TTC7B: variants seen among roughly 807,000 people sequenced by gnomAD.
TTC7B encodes tetratricopeptide repeat domain 7B.
TTC7B carries 28 observed loss-of-function variants against 106.8 expected under a neutral mutation model. The ratio of observed to expected loss-of-function variants is 0.26; its 90% CI spans 0.19 to 0.36. The LOEUF is 0.36. Ranked by LOEUF, TTC7B falls within the 10% of genes least tolerant of loss-of-function variation. TTC7B has a pLI of 1.00. For synonymous variants in TTC7B, 405 were observed against 430.6 expected, an observed-to-expected ratio of 0.94 and a Z score of 0.74; for missense variants, 862 against 1,076.4, an observed-to-expected ratio of 0.80 and a Z score of 2.79.
At chr14:90,771,973 A>G (rs1890880965) in intron 3 of TTC7B, among the ~76,000 whole-genome samples, 1 of 146,482 alleles carries the variant, frequency 6.8e-6, no homozygotes, top group Non-Finnish European at 1.5e-5. Flanking sequence ...AATTATATAT[A>G]TAATTTATGT....
chr14:90,709,246 T>C lies in TTC7B; in HGVS notation c.699-13668A>G, dbSNP rs570973168. Among the ~76,000 whole-genome samples the C allele has an allele frequency of 6.0e-5, 9 of 150,740 alleles. No homozygotes were observed. In the South Asian group the frequency reaches 1.9e-3, roughly 31 times the overall value. ...AAAGACACATGCACACGTATGTTTA[T>C]TGCGGCACTATTCACAATAGCAAAG... On this transcript the variant is annotated intron_variant, in intron 5 of 19. Transcript: ENST00000328459.
chr14:90,573,639 C>T (rs565000107), intron 19 of TTC7B, among the ~76,000 whole-genome samples: 1 of 150,992 alleles, frequency 6.6e-6, no homozygotes, highest in Non-Finnish European at 1.5e-5. Flanking sequence ...TGGTCCCTTT[C>T]GGGCTCATGG....
intron 4 of TTC7B, 137 bp from the exon 5 acceptor site, chr14:90,730,333 G>C (rs918768466): frequency 8.9e-6 from 9 of 1,011,880 alleles, no homozygotes; most frequent in Non-Finnish European, 1.2e-5. Flanking sequence ...CACAGGTGTA[G>C]AAGTGCAAGC....
At position 90,658,386 on chromosome 14, in the gene TTC7B, C is replaced by A. The variant is rs770813738; in HGVS notation, c.1154G>T (p.Cys385Phe). 6.2e-7 allele frequency: 1 copy of A among 1,614,014 alleles called. No individual in the cohort carries two copies. The highest frequency in any genetic ancestry group is 8.5e-7 in the Non-Finnish European group (1 of 1,179,996). ...GGCAAACTTCATGGCTCTTTCTAGG[C>A]ACTGGTTGGGAAAGAAAAACAAATG... is the stretch of plus-strand genomic sequence containing the variant. Reference protein sequence around the residue: ...RRGQYEMLSECLERAMKFAFE... With the variant: ...RRGQYEMLSEFLERAMKFAFE... Residue 385 changes from cysteine to phenylalanine, a missense_variant and splice_region_variant, in exon 10 of 20, where the codon TGC becomes TTC. Cys to Phe is a radical substitution (Grantham distance 205, BLOSUM62 -2). Coordinates refer to ENST00000328459, the MANE Select transcript of TTC7B (RefSeq NM_001010854.2).
At chr14:90,700,719 C>T (rs75327821) in intron 5 of TTC7B, among the ~76,000 whole-genome samples, 5,813 of 88,770 alleles carry the variant, frequency 0.065, 136 homozygotes, top group Non-Finnish European at 0.093. Context: ...TAAGTGTTGA[C>T]AAAGACAATG....
intron 3 of TTC7B, among the ~76,000 whole-genome samples, chr14:90,765,550 C>A (rs1354627901): frequency 6.6e-6 from 1 of 152,204 alleles, no homozygotes; most frequent in African/African-American, 2.4e-5. Flanking sequence ...CACCAGGAAT[C>A]TATCTTCCCA....
At chr14:90,771,802 G>A (rs1555397977) in intron 3 of TTC7B, among the ~76,000 whole-genome samples, 2 of 150,892 alleles carry the variant, frequency 1.3e-5, no homozygotes, top group Non-Finnish European at 2.9e-5. Flanking sequence ...GTGCACGTGT[G>A]TGTGTGTAAC....
intron 19 of TTC7B, among the ~76,000 whole-genome samples, chr14:90,558,066 G>A (rs867904955): frequency 6.6e-6 from 1 of 152,248 alleles, no homozygotes; most frequent in African/African-American, 2.4e-5. Flanking sequence ...GTCGGCACTC[G>A]ATAGATGAGT....
At chr14:90,771,903 A>G (rs1009703105) in intron 3 of TTC7B, among the ~76,000 whole-genome samples, 1 of 146,602 alleles carries the variant, frequency 6.8e-6, no homozygotes, top group African/African-American at 2.5e-5. Flanking sequence ...ATATATGTAT[A>G]TATTTCTTTA....
In TTC7B at chr14:90,541,475, G is replaced by C. The variant is rs1165267536; in HGVS notation, c.2425C>G (p.Gln809Glu). ...EVWNGLGEVL[Q>E]AQGNDAAATE... The stretch of plus-strand genomic sequence containing the variant: ...GCCGCCGCATCGTTGCCCTGAGCTT[G>C]GAGGACCTCGCCCAGCCCGTTCCAG... The change falls in exon 20 of 20, where the codon CAA becomes GAA. Residue 809 changes from glutamine to glutamate, a missense_variant. Physicochemically the swap from Gln to Glu is conservative, Grantham distance 29. Transcript: ENST00000328459. 5 of 1,614,090 alleles carry C rather than the reference G, an allele frequency of 3.1e-6. No individual in the cohort carries two copies. Among genetic ancestry groups the C allele is most frequent in the Non-Finnish European group, 3.4e-6 (4 of 1,179,994 alleles).
chr14:90,582,481 G>A (rs996024220), intron 18 of TTC7B, among the ~76,000 whole-genome samples: 1 of 152,202 alleles, frequency 6.6e-6, no homozygotes, highest in Non-Finnish European at 1.5e-5. Context: ...TCAACCCTAG[G>A]CTGAGCATTT....
intron 3 of TTC7B, among the ~76,000 whole-genome samples, chr14:90,763,769 C>T (rs1890583163): frequency 6.6e-6 from 1 of 151,994 alleles, no homozygotes; most frequent in South Asian, 2.1e-4. Context: ...TAAAAAAGAA[C>T]TCTTAGAATA....
At chr14:90,581,434 G>A (rs1396055293) in intron 18 of TTC7B, among the ~76,000 whole-genome samples, 1 of 152,212 alleles carries the variant, frequency 6.6e-6, no homozygotes, top group African/African-American at 2.4e-5. Context: ...GCTGTCTGAT[G>A]CCTTTCAGTA....
intron 17 of TTC7B, among the ~76,000 whole-genome samples, chr14:90,596,074 ATATGT>A (rs1381153227): frequency 3.3e-5 from 5 of 152,168 alleles, no homozygotes; most frequent in African/African-American, 7.2e-5. Flanking sequence ...GAGGTTGTTT[ATATGT>A]TATGTCTATT....
intron 3 of TTC7B, among the ~76,000 whole-genome samples, chr14:90,747,134 C>T (rs1401624922): frequency 6.6e-6 from 1 of 152,192 alleles, no homozygotes; most frequent in African/African-American, 2.4e-5. Context: ...GGGCTGGAGA[C>T]TGACTAAGGT....
At chr14:90,583,280 A>G (rs566705284) in intron 18 of TTC7B, among the ~76,000 whole-genome samples, 1 of 152,348 alleles carries the variant, frequency 6.6e-6, no homozygotes, top group African/African-American at 2.4e-5. Context: ...TGTATCCCTC[A>G]GCAGAGGATC....
At chr14:90,548,714 A>G (rs1160196427) in intron 19 of TTC7B, among the ~76,000 whole-genome samples, 16 of 152,228 alleles carry the variant, frequency 1.1e-4, no homozygotes. Flanking sequence ...GAGCAGACCC[A>G]GAAACTTGAT....
intron 8 of TTC7B, among the ~76,000 whole-genome samples, chr14:90,679,571 C>T (rs952727781): frequency 6.6e-6 from 1 of 152,188 alleles, no homozygotes; most frequent in Admixed American, 6.5e-5. Context: ...GAGACCACTG[C>T]GTGATGCACG....
Position 90,577,102 on chromosome 14 carries a change from C to A in TTC7B, c.2310+1004G>T, listed in dbSNP as rs542917924. 2.1e-4 allele frequency among the ~76,000 whole-genome samples: 32 copies of A among 152,306 alleles called. No homozygotes were observed. The highest frequency in any genetic ancestry group is 7.7e-4 in the African/African-American group (32 of 41,570). On this transcript the variant is annotated intron_variant, in intron 19 of 19. Transcript: ENST00000328459. This position sits in a 1 kb window ranked among gnomAD's most constrained non-coding sequence, Gnocchi z 5.0. ...TCTGGTTATGGGTGCTAAGCCTCCACGGGTGCGGACACGAAGGGCCCTGAG... is the reference window on the plus strand; with the variant it reads ...TCTGGTTATGGGTGCTAAGCCTCCAAGGGTGCGGACACGAAGGGCCCTGAG...
Sources: allele counts gnomAD v4.1 joint callset (sites outside exome capture counted in the v4.1 genomes callset), GRCh38; gene constraint gnomAD v4.1.1; non-coding constraint Gnocchi (gnomAD v3.1); transcripts MANE v1.5; gene names NCBI Gene and HGNC (gene_info 2026-07-23, HGNC 2026-07-21).